The following TMED6 variants were observed in gnomAD, a reference collection of about 807,000 sequenced individuals.
TMED6 encodes transmembrane emp24 domain-containing protein 6.
Under a neutral mutation model 26.5 loss-of-function variants are expected in TMED6, and 17 were observed. That is an observed-to-expected ratio of 0.64 (90% CI 0.44 to 0.96). TMED6 has a LOEUF of 0.96. Among genes scored for constraint, TMED6 ranks in the 40% least tolerant of loss-of-function variants. The pLI is 0.00. For missense variants in TMED6, 309 were observed against 296.5 expected (o/e 1.04, Z -0.31); for synonymous variants, 107 against 106.2 (o/e 1.01, Z -0.04).
At chr16:69,347,746 C>A (rs1331586506) in intron 3 of TMED6, 42 bp downstream of exon 3, 1 of 1,607,642 alleles carries the variant, frequency 6.2e-7, no homozygotes, top group Non-Finnish European at 8.5e-7. Context: ...AGTTAAAAAT[C>A]AGTTTCCACA....
At chr16:69,346,821 G>A (rs1422087930) in intron 3 of TMED6, among the ~76,000 whole-genome samples, 2 of 152,118 alleles carry the variant, frequency 1.3e-5, no homozygotes, top group Non-Finnish European at 2.9e-5. Flanking sequence ...TAAATAAAGT[G>A]TATAGAGGCC....
intron 2 of TMED6, chr16:69,348,242 T>C (rs917315154): frequency 2.7e-5 from 6 of 222,272 alleles, no homozygotes; most frequent in Non-Finnish European, 5.4e-5. Context: ...GCTCAACAGA[T>C]TGAGTTGAAG....
intron 2 of TMED6, chr16:69,348,270 G>C (rs1429188733): frequency 5.0e-6 from 1 of 200,780 alleles, no homozygotes; most frequent in Non-Finnish European, 1.0e-5. Context: ...CATGGTGTTT[G>C]CCTGGTCCTT....
At chr16:69,351,460 T>G in intron 1 of TMED6, 81 bp downstream of exon 1, 1 of 1,342,460 alleles carries the variant, frequency 7.4e-7, no homozygotes. Flanking sequence ...AACCAGACCT[T>G]GTTTTGGCCT....
chr16:69,350,269 CAAA>C (rs532374926), intron 1 of TMED6, among the ~76,000 whole-genome samples: 7 of 70,126 alleles, frequency 1.0e-4, no homozygotes, highest in Middle Eastern at 9.4e-3. Flanking sequence ...AACACTCTGT[CAAA>C]AAAAAAAAAA....
chr16:69,349,993 C>T (rs369716344), intron 1 of TMED6, among the ~76,000 whole-genome samples: 1 of 152,030 alleles, frequency 6.6e-6, no homozygotes, highest in Non-Finnish European at 1.5e-5. Context: ...GATTCTGGGC[C>T]GGGCGCGGTG....
chr16:69,347,260 C>T (rs1003315029), intron 3 of TMED6, among the ~76,000 whole-genome samples: 1 of 152,150 alleles, frequency 6.6e-6, no homozygotes, highest in Non-Finnish European at 1.5e-5. Flanking sequence ...TGAATTATAT[C>T]TCAATTTAAA....
rs938485307 is a variant in TMED6, at chr16:69,343,638, G to A, written c.492C>T (p.Asp164=). The change falls in exon 4 of 4, where the codon GAC becomes GAT. Residue 164 remains aspartate (D), a splice_region_variant and synonymous_variant. Transcript: ENST00000288025. ...QLNDTLDAIE[D]GTQKVQNNIF... ...TATTGTTCTGCACCTTTTGTGTGCC[G>A]TCCTATGAGAGAGACAATTTTAAGG... is the stretch of plus-strand genomic sequence containing the variant. The A allele has an allele frequency of 4.5e-5, 73 of 1,610,386 alleles. No homozygotes were observed. The East Asian group carries it at 8.9e-4, about 20-fold the overall frequency.
At position 69,347,793 on chromosome 16, in the gene TMED6, T is replaced by G; in HGVS notation, c.484A>C (p.Ile162Leu). The change falls in exon 3 of 4, where the codon ATT becomes CTT. Residue 162 changes from isoleucine (I) to leucine (L), a missense_variant. Coordinates refer to ENST00000288025, the MANE Select transcript of TMED6 (RefSeq NM_144676.4). ...RKQLNDTLDA[I>L]EDGTQKVQNN... ...TCCACAAAACACTTCCTTACCTCAA[T>G]TGCATCCAGAGTATCATTCAGTTGT... 1.2e-6 allele frequency: 2 copies of G among 1,614,094 alleles called. No homozygotes were observed. Among genetic ancestry groups the G allele is most frequent in the Non-Finnish European group, 8.5e-7 (1 of 1,179,994 alleles).
At chr16:69,349,774 A>C in intron 1 of TMED6, 123 bp from the exon 2 acceptor site, 1 of 1,262,792 alleles carries the variant, frequency 7.9e-7, no homozygotes, top group Non-Finnish European at 1.1e-6. Context: ...GGGACTGCCC[A>C]ACCCCCTGCT....
Position 69,343,978 on chromosome 16 carries a change from G to C in TMED6, c.490-338C>G, listed in dbSNP as rs199779365. On this transcript the variant is annotated intron_variant, in intron 3 of 3. Transcript: ENST00000288025. Reference sequence around the variant, plus strand: ...CTAGTAGCTGGGACTACAGGCACATGCCACTACACCCAGCTAATTTTTTTT... The same window carrying C: ...CTAGTAGCTGGGACTACAGGCACATCCCACTACACCCAGCTAATTTTTTTT... Among the ~76,000 whole-genome samples, 85 of 151,896 alleles carry C rather than the reference G, an allele frequency of 5.6e-4. No individual in the cohort carries two copies. The East Asian group carries it at 0.014, about 24-fold the overall frequency.
chr16:69,345,678 CAAAAAAAAAAAAAAAAA>C (rs34468905), intron 3 of TMED6, among the ~76,000 whole-genome samples: 765 of 43,468 alleles, frequency 0.018, 11 homozygotes, highest in Non-Finnish European at 0.025. Context: ...CTGACTCTCT[CAAAAAAAAAAAAAAAAA>C]AAAAAAAAAA....
Position 69,344,958 on chromosome 16 carries a change from A to G in TMED6, c.490-1318T>C, listed in dbSNP as rs545192683. Among the ~76,000 whole-genome samples the G allele has an allele frequency of 3.2e-3, 478 of 151,712 alleles. 3 individuals are homozygous for G. Among genetic ancestry groups the G allele is most frequent in the African/African-American group, 0.01 (421 of 41,426 alleles). On this transcript the variant is annotated intron_variant, in intron 3 of 3. Coordinates refer to ENST00000288025, the MANE Select transcript of TMED6 (RefSeq NM_144676.4). ...ACAAAAATTAGCCAGGCGTGGTGGC[A>G]CCCGCCTGTAATCCCAGCTACTTGG...
At chr16:69,347,005 A>G (rs577823652) in intron 3 of TMED6, among the ~76,000 whole-genome samples, 2 of 152,266 alleles carry the variant, frequency 1.3e-5, no homozygotes, top group South Asian at 4.1e-4. Flanking sequence ...GCCACTGCAC[A>G]CTGCAGCCTG....
intron 1 of TMED6, 149 bp from the exon 2 acceptor site, chr16:69,349,800 T>A (rs2012747337): frequency 3.2e-6 from 3 of 933,450 alleles, no homozygotes; most frequent in Non-Finnish European, 4.7e-6. Context: ...TTGGAGTTGA[T>A]TGGAGGATTC....
Position 69,343,406 on chromosome 16 carries a change from C to T in TMED6, c.*1G>A. The T allele has an allele frequency of 3.1e-6, 5 of 1,613,576 alleles. No individual in the cohort carries two copies. The highest frequency in any genetic ancestry group is 4.2e-6 in the Non-Finnish European group (5 of 1,179,634). On this transcript the variant is annotated 3_prime_UTR_variant, in exon 4 of 4. Coordinates refer to ENST00000288025, the MANE Select transcript of TMED6 (RefSeq NM_144676.4). The stretch of plus-strand genomic sequence containing the variant: ...AGCCAGGGTGCTATAGTCACCTTAG[C>T]TTAGCATCTTGGCTTCTTTGTATCT...
chr16:69,349,223 A>G (rs2012737385), intron 2 of TMED6, among the ~76,000 whole-genome samples: 1 of 152,212 alleles, frequency 6.6e-6, no homozygotes, highest in African/African-American at 2.4e-5. Flanking sequence ...GGAATTCTGT[A>G]TTATAAATGG....
Position 69,349,507 on chromosome 16 carries a change from A to G in TMED6, c.340+18T>C. On this transcript the variant is annotated intron_variant, in intron 2 of 3. Transcript: ENST00000288025. ...GGACCCTATGATTATTATAATAGCC[A>G]TGGTAATGAAAACAGACCTGTCTCT... 1 of 1,611,424 alleles carries G rather than the reference A, an allele frequency of 6.2e-7. No individual in the cohort carries two copies. The highest frequency in any genetic ancestry group is 8.5e-7 in the Non-Finnish European group (1 of 1,178,354).
intron 3 of TMED6, among the ~76,000 whole-genome samples, chr16:69,346,792 T>C (rs1004527802): frequency 6.6e-6 from 1 of 152,024 alleles, no homozygotes; most frequent in Non-Finnish European, 1.5e-5. Context: ...CAAAATCCCA[T>C]GTACTGTGTG....
Sources: allele counts gnomAD v4.1 joint callset (sites outside exome capture counted in the v4.1 genomes callset), GRCh38; gene constraint gnomAD v4.1.1; transcripts MANE v1.5; gene names NCBI Gene and HGNC (gene_info 2026-07-23, HGNC 2026-07-21).